Variants in ASTE1 observed in about 807,000 individuals in gnomAD.
ASTE1 encodes single-strand DNA endonuclease ASTE1.
In ASTE1, 49 loss-of-function variants were observed where a neutral mutation model predicts 45.8. The ratio of observed to expected loss-of-function variants is 1.07; its 90% CI spans 0.85 to 1.36. The LOEUF (loss-of-function observed/expected upper bound fraction) is 1.36. Ranked by LOEUF, ASTE1 falls within the 40% of genes most tolerant of loss-of-function variation. The pLI, the probability that ASTE1 is intolerant of heterozygous loss-of-function variation, is 0.00. For synonymous variants in ASTE1, 296 were observed against 303.9 expected, an observed-to-expected ratio of 0.97 and a Z score of 0.27; for missense variants, 709 against 804.0, an observed-to-expected ratio of 0.88 and a Z score of 1.43.
chr3:131,023,974 C>A, intron 3 of ASTE1, 31 bp downstream of exon 3: 1 of 1,540,034 alleles, frequency 6.5e-7, no homozygotes. Context: ...AAGTACTTTA[C>A]AAAAATTTCA....
chr3:131,018,584 T>G lies in ASTE1; in HGVS notation c.1435A>C (p.Lys479Gln), dbSNP rs759652851. 3.1e-6 allele frequency: 5 copies of G among 1,614,080 alleles called. No homozygotes were observed. The highest frequency in any genetic ancestry group is 4.2e-6 in the Non-Finnish European group (5 of 1,180,012). Residue 479 changes from lysine (K) to glutamine (Q), a missense_variant, in exon 4 of 6, where the codon AAA becomes CAA. Lys to Gln is a moderately conservative substitution (Grantham distance 53). Transcript: ENST00000264992. The stretch of plus-strand genomic sequence containing the variant: ...GATTGTAGATGATGTAGCTTTGCTT[T>G]GGTCTCGGTGTGCTGCAACCAGTAG... ...SCYWLQHTET[K>Q]AKLHHLQSLL...
Position 131,025,498 on chromosome 3 carries a change from G to T in ASTE1, c.-50C>A. On this transcript the variant is annotated 5_prime_UTR_variant, in exon 2 of 6. Coordinates refer to ENST00000264992, the MANE Select transcript of ASTE1 (RefSeq NM_014065.4). The stretch of plus-strand genomic sequence containing the variant: ...CCTAGATCCTCAAGCAATGTTAGCT[G>T]TGCTTTTTCATTCTCCTTTGCTTTC... The T allele has an allele frequency of 1.1e-6, 1 of 949,102 alleles. No individual in the cohort carries two copies. The highest frequency in any genetic ancestry group is 1.5e-6 in the Non-Finnish European group (1 of 683,662). The allele number at this position is 949,102 out of a possible 1,614,324, so 58.8% of individuals were successfully genotyped here.
chr3:131,022,598 C>A (rs1039227593), intron 3 of ASTE1, among the ~76,000 whole-genome samples: 1 of 151,964 alleles, frequency 6.6e-6, no homozygotes, highest in Non-Finnish European at 1.5e-5. Flanking sequence ...GCTGGGCTTA[C>A]AGGCATGAGC....
Position 131,016,186 on chromosome 3 carries a change from T to C in ASTE1, c.1667A>G (p.Asn556Ser). ...QSCLQMGMYL[N>S]QLLSTPLPEP... ...TGGGAGAGGAGTGGACAGCAGCTGGTTGAGATACATCCCCATCTGGAGACA... is the reference window on the plus strand; with the variant it reads ...TGGGAGAGGAGTGGACAGCAGCTGGCTGAGATACATCCCCATCTGGAGACA... Residue 556 changes from asparagine (N) to serine (S), a missense_variant, in exon 5 of 6, where the codon AAC becomes AGC. Coordinates refer to ENST00000264992, the MANE Select transcript of ASTE1 (RefSeq NM_014065.4). 1 of 1,614,154 alleles carries C rather than the reference T, an allele frequency of 6.2e-7. No individual in the cohort carries two copies. Among genetic ancestry groups the C allele is most frequent in the Non-Finnish European group, 8.5e-7 (1 of 1,180,034 alleles).
At chr3:131,018,362 GAT>G (rs2063693845) in intron 4 of ASTE1, 142 bp downstream of exon 4, 1 of 770,170 alleles carries the variant, frequency 1.3e-6, no homozygotes, top group Non-Finnish European at 2.1e-6. Flanking sequence ...ATGAATGAAT[GAT>G]ATTTTGGTGC....
chr3:131,022,248 C>T (rs1005403079), intron 3 of ASTE1, among the ~76,000 whole-genome samples: 2 of 152,150 alleles, frequency 1.3e-5, no homozygotes, highest in African/African-American at 2.4e-5. Context: ...GGGAACGGGG[C>T]TTTTAAGCTA....
intron 3 of ASTE1, 62 bp downstream of exon 3, chr3:131,023,943 G>A (rs984507058): frequency 1.4e-6 from 2 of 1,470,392 alleles, no homozygotes; most frequent in Non-Finnish European, 1.8e-6. Flanking sequence ...TAATATAGAA[G>A]ACAGCACTTT....
In ASTE1 at chr3:131,018,565, A is replaced by T; in HGVS notation, c.1454T>A (p.Leu485Gln). 1.9e-6 allele frequency: 3 copies of T among 1,614,130 alleles called. No individual in the cohort carries two copies. The highest frequency in any genetic ancestry group is 8.5e-7 in the Non-Finnish European group (1 of 1,180,020). The change falls in exon 4 of 6, where the codon CTA (leucine) becomes CAA (glutamine). Residue 485 changes from leucine (L) to glutamine (Q), a missense_variant. Transcript: ENST00000264992. ...TAGCATTGTGAGCAGTAAGGATTGT[A>T]GATGATGTAGCTTTGCTTTGGTCTC... is the stretch of plus-strand genomic sequence containing the variant. ...HTETKAKLHH[L>Q]QSLLLTMLVG...
rs1560066604 is a variant in ASTE1 at position 131,025,279 on chromosome 3, C to T, written c.28G>A (p.Val10Met). ...AAGAACTCATTACTATGATCTTCCACAAAACTCATTAGTCCTCGGATACCC... is the reference window on the plus strand; with the variant it reads ...AAGAACTCATTACTATGATCTTCCATAAAACTCATTAGTCCTCGGATACCC... MGIRGLMSF[V>M]EDHSNEFFTD... The change falls in exon 3 of 6, where the codon GTG becomes ATG. Residue 10 changes from valine to methionine, a missense_variant. Val to Met is a conservative substitution (Grantham distance 21). Coordinates refer to ENST00000264992, the MANE Select transcript of ASTE1 (RefSeq NM_014065.4). The T allele has an allele frequency of 6.2e-7, 1 of 1,613,724 alleles. No individual in the cohort carries two copies. Among genetic ancestry groups the T allele is most frequent in the South Asian group, 1.1e-5 (1 of 91,040 alleles).
Position 131,024,527 on chromosome 3 carries a change from C to T in ASTE1, c.780G>A (p.Leu260=), listed in dbSNP as rs1266915514. The T allele has an allele frequency of 1.2e-6, 2 of 1,614,100 alleles. No homozygotes were observed. The highest frequency in any genetic ancestry group is 3.3e-5 in the Admixed American group (2 of 60,012). ...GRRHHRILGL[L]NWLSHFANPT... ...GGTTGGCAAAATGAGACAACCAATT[C>T]AGAAGTCCCAGGATTCGGTGGTGTC... The change falls in exon 3 of 6, where the codon CTG becomes CTA. Residue 260 remains leucine (L), a synonymous_variant. Coordinates refer to ENST00000264992, the MANE Select transcript of ASTE1 (RefSeq NM_014065.4).
chr3:131,016,915 T>G, intron 4 of ASTE1: 2 of 1,038,846 alleles, frequency 1.9e-6, no homozygotes, highest in Non-Finnish European at 2.6e-6. Flanking sequence ...GCTGTAAGTT[T>G]CTACAGATTT....
At chr3:131,025,831 T>G (rs73871747) in intron 1 of ASTE1, among the ~76,000 whole-genome samples, 6,330 of 152,340 alleles carry the variant, frequency 0.042, 430 homozygotes, top group African/African-American at 0.14. Context: ...GTTTTTCTTT[T>G]GTATTGACAA....
chr3:131,018,447 G>A (rs2063695990), intron 4 of ASTE1, 59 bp downstream of exon 4: 6 of 1,511,790 alleles, frequency 4.0e-6, no homozygotes, highest in Admixed American at 1.7e-5. Flanking sequence ...GTGTAAACTC[G>A]AGTAAACAGT....
At chr3:131,016,490 G>A (rs2063639533) in intron 4 of ASTE1, 151 bp from the exon 5 acceptor site, 1 of 852,208 alleles carries the variant, frequency 1.2e-6, no homozygotes, top group Non-Finnish European at 1.8e-6. Context: ...ATGCCTTGCT[G>A]TATAAATTGA....
chr3:131,022,484 A>G (rs1560062400), intron 3 of ASTE1, among the ~76,000 whole-genome samples: 1 of 151,264 alleles, frequency 6.6e-6, no homozygotes, highest in Non-Finnish European at 1.5e-5. Flanking sequence ...TGCCTGGCAA[A>G]AAATTTTTTT....
rs1181257615 is a variant in ASTE1, at chr3:131,024,080, A to G, written c.1227T>C (p.Asn409=). The change falls in exon 3 of 6, where the codon AAT becomes AAC. Residue 409 remains asparagine, a synonymous_variant. Transcript: ENST00000264992. The part of the protein sequence containing the change: ...PLAFSEVERI[N]KNIRTSIIDA... Reference sequence around the variant, plus strand: ...CAATGATTGAGGTTCTGATATTTTTATTAATCCTTTCCACTTCACTGAAAG... The same window carrying G: ...CAATGATTGAGGTTCTGATATTTTTGTTAATCCTTTCCACTTCACTGAAAG... The G allele has an allele frequency of 6.2e-7, 1 of 1,614,182 alleles. No individual in the cohort carries two copies. The highest frequency in any genetic ancestry group is 8.5e-7 in the Non-Finnish European group (1 of 1,179,990).
At chr3:131,018,785 A>G in intron 3 of ASTE1, 69 bp from the exon 4 acceptor site, 1 of 1,499,576 alleles carries the variant, frequency 6.7e-7, no homozygotes, top group Admixed American at 1.9e-5. Context: ...TTTCCACCAT[A>G]GCATGAAGAG....
chr3:131,017,709 T>C (rs779650876), intron 4 of ASTE1, among the ~76,000 whole-genome samples: 21 of 151,978 alleles, frequency 1.4e-4, no homozygotes, highest in Non-Finnish European at 2.8e-4. Flanking sequence ...CGGTGGCTCA[T>C]GCTTGTAATC....
At chr3:131,015,133 G>A in intron 5 of ASTE1, 1 of 668,346 alleles carries the variant, frequency 1.5e-6, no homozygotes, top group South Asian at 1.6e-5. Context: ...TCAGATATAA[G>A]GCCCAGAGAT....
Sources: gnomAD v4.1 joint callset for allele counts (sites outside exome capture counted in the v4.1 genomes callset) on GRCh38, gnomAD v4.1.1 for gene constraint, MANE v1.5 for transcripts, NCBI Gene and HGNC (gene_info 2026-07-23, HGNC 2026-07-21) for gene names.